Variants in S100A8 observed in about 807,000 individuals in gnomAD.
The protein encoded by S100A8 is protein S100-A8.
Under a neutral mutation model 4.2 loss-of-function variants are expected in S100A8, and 1 was observed. The ratio of observed to expected loss-of-function variants is 0.24; its 90% CI spans 0.08 to 1.12. S100A8 has a LOEUF of 1.12. S100A8 is among the 50% of genes most tolerant of loss of function. The pLI, the probability that S100A8 is intolerant of heterozygous loss-of-function variation, is 0.53. For missense variants in S100A8, 96 were observed against 111.8 expected, an observed-to-expected ratio of 0.86 and a Z score of 0.64; for synonymous variants, 41 against 44.7, an observed-to-expected ratio of 0.92 and a Z score of 0.33.
the S100A8 span, chr1:153,416,468 C>T: frequency 3.2e-5 from 12 of 376,654 alleles, no homozygotes; most frequent in East Asian, 7.9e-5. Context: ...CCTCCCAACC[C>T]GTGGGAAGAG....
At chr1:153,402,585 C>A in the S100A8 span, among the ~76,000 whole-genome samples, 1 of 152,110 alleles carries the variant, frequency 6.6e-6, no homozygotes, top group Non-Finnish European at 1.5e-5. Context: ...CCAACGAGGA[C>A]TTTGCAAAAT....
chr1:153,414,062 T>C, the S100A8 span, among the ~76,000 whole-genome samples: 1 of 151,198 alleles, frequency 6.6e-6, no homozygotes, highest in Non-Finnish European at 1.5e-5. Context: ...TCCTTTTGTA[T>C]TGCATTTCTT....
In S100A8 at chr1:153,390,093, A is replaced by C; in HGVS notation, c.*10T>G. On this transcript the variant is annotated 3_prime_UTR_variant, in exon 3 of 3. Coordinates refer to ENST00000368733, the MANE Select transcript of S100A8 (RefSeq NM_002964.5). Reference sequence around the variant, plus strand: ...GTCCAGGGGCCCAGCCTCTGGGCCCAGTAACTCAGCTACTCTTTGTGGCTT... The same window carrying C: ...GTCCAGGGGCCCAGCCTCTGGGCCCCGTAACTCAGCTACTCTTTGTGGCTT... 2 of 1,609,080 alleles carry C rather than the reference A, an allele frequency of 1.2e-6. No homozygotes were observed. The highest frequency in any genetic ancestry group is 1.7e-6 in the Non-Finnish European group (2 of 1,177,242).
the S100A8 span, chr1:153,419,314 G>T: frequency 6.2e-7 from 1 of 1,613,194 alleles, no homozygotes; most frequent in Non-Finnish European, 8.5e-7. Context: ...CAGTGATCCA[G>T]CCCCACCAAG....
At chr1:153,411,443 AAGG>A in the S100A8 span, among the ~76,000 whole-genome samples, 138 of 152,368 alleles carry the variant, frequency 9.1e-4, no homozygotes, top group Non-Finnish European at 1.6e-3. Flanking sequence ...CAACCTCTTC[AAGG>A]AGAACTACAA....
upstream of S100A8, among the ~76,000 whole-genome samples, chr1:153,394,657 C>T (rs1036375020): frequency 4.6e-5 from 7 of 152,178 alleles, no homozygotes; most frequent in African/African-American, 1.7e-4. Flanking sequence ...CAGCTAGGTC[C>T]TGAAAGGCAA....
the S100A8 span, among the ~76,000 whole-genome samples, chr1:153,418,529 A>G: frequency 6.6e-6 from 1 of 152,198 alleles, no homozygotes. Context: ...TGAAACTCAC[A>G]TGCTCAGGTC....
the S100A8 span, among the ~76,000 whole-genome samples, chr1:153,398,343 A>T: frequency 6.6e-6 from 1 of 152,188 alleles, no homozygotes; most frequent in Non-Finnish European, 1.5e-5. Context: ...TAAGAGGTGG[A>T]AGGGGAAGTA....
Position 153,390,061 on chromosome 1 carries a change from G to C in S100A8, c.*42C>G, listed in dbSNP as rs1035582989. ...GTATTGATGACTTTATTATTCTGCA[G>C]GTACATGTCCAGGGGCCCAGCCTCT... On this transcript the variant is annotated 3_prime_UTR_variant, in exon 3 of 3. Transcript: ENST00000368733. 20 of 1,559,034 alleles carry C rather than the reference G, an allele frequency of 1.3e-5. No individual in the cohort carries two copies. The highest frequency in any genetic ancestry group is 2.3e-5 in the East Asian group (1 of 44,240).
At chr1:153,390,752 C>T (rs1662074233) in intron 1 of S100A8, 195 bp from the exon 2 acceptor site, 1 of 679,736 alleles carries the variant, frequency 1.5e-6, no homozygotes, top group South Asian at 2.0e-5. Context: ...GGGGAAGGGT[C>T]CATTCACACA....
At position 153,390,471 on chromosome 1, in the gene S100A8, A is replaced by G; in HGVS notation, c.65T>C (p.Ile22Thr). 6.2e-7 allele frequency: 1 copy of G among 1,614,116 alleles called. No individual in the cohort carries two copies. The highest frequency in any genetic ancestry group is 2.2e-5 in the East Asian group (1 of 44,882). Residue 22 changes from isoleucine (I) to threonine (T), a missense_variant, in exon 2 of 3, where the codon ATA (isoleucine) becomes ACA (threonine). Coordinates refer to ENST00000368733, the MANE Select transcript of S100A8 (RefSeq NM_002964.5). ...GTAGACGGCATGGAAATTCCCCTTT[A>G]TCAGGGAGTACTTGTGGTAGACGTC... is the stretch of plus-strand genomic sequence containing the variant. ...IIDVYHKYSL[I>T]KGNFHAVYRD...
chr1:153,399,846 C>G, the S100A8 span, among the ~76,000 whole-genome samples: 2 of 152,178 alleles, frequency 1.3e-5, no homozygotes, highest in African/African-American at 4.8e-5. Flanking sequence ...GCACTCTAGA[C>G]AGAGGATATG....
the S100A8 span, among the ~76,000 whole-genome samples, chr1:153,418,583 G>A: frequency 6.6e-6 from 1 of 152,094 alleles, no homozygotes; most frequent in South Asian, 2.1e-4. Flanking sequence ...AGATTACTGG[G>A]AAAGCACTAG....
chr1:153,403,941 A>G, the S100A8 span, among the ~76,000 whole-genome samples: 8 of 152,248 alleles, frequency 5.3e-5, no homozygotes, highest in Admixed American at 1.3e-4. Flanking sequence ...GCAGATGCCA[A>G]TCGCAGCACC....
the S100A8 span, among the ~76,000 whole-genome samples, chr1:153,402,646 T>C: frequency 2.6e-5 from 4 of 152,340 alleles, no homozygotes; most frequent in African/African-American, 9.6e-5. Context: ...GTAAGGGATA[T>C]GCCATGTTCA....
chr1:153,418,665 C>T, the S100A8 span, among the ~76,000 whole-genome samples: 5 of 152,090 alleles, frequency 3.3e-5, no homozygotes, highest in African/African-American at 4.8e-5. Context: ...TCTGAAAAAA[C>T]CTGTGGGCTA....
the S100A8 span, among the ~76,000 whole-genome samples, chr1:153,413,274 T>A: frequency 4.6e-5 from 7 of 152,348 alleles, no homozygotes; most frequent in South Asian, 1.0e-3. Context: ...TATAAATAAA[T>A]TTAAGTGTGT....
chr1:153,400,928 A>G, the S100A8 span, among the ~76,000 whole-genome samples: 1 of 152,264 alleles, frequency 6.6e-6, no homozygotes, highest in Admixed American at 6.5e-5. Context: ...ACTGTTGGAC[A>G]ATTGCTGGAT....
At chr1:153,416,770 C>A in the S100A8 span, among the ~76,000 whole-genome samples, 1 of 152,246 alleles carries the variant, frequency 6.6e-6, no homozygotes, top group South Asian at 2.1e-4. Flanking sequence ...CTGTCCATTG[C>A]TCCTTTGGGA....
Sources: allele counts gnomAD v4.1 joint callset (sites outside exome capture counted in the v4.1 genomes callset), GRCh38; gene constraint gnomAD v4.1.1; transcripts MANE v1.5; gene names NCBI Gene and HGNC (gene_info 2026-07-23, HGNC 2026-07-21).